The following RNF182 variants were observed in gnomAD, a reference collection of about 807,000 sequenced individuals.
RNF182 encodes the protein ring finger protein 182.
In RNF182, 15 loss-of-function variants were observed where a neutral mutation model predicts 14.4. The ratio of observed to expected loss-of-function variants is 1.04; its 90% CI spans 0.70 to 1.60. RNF182 has a LOEUF of 1.60. Among genes scored for constraint, RNF182 ranks in the 40% most tolerant of loss-of-function variants. The pLI is 0.00. For missense variants in RNF182, 268 were observed against 294.8 expected, an observed-to-expected ratio of 0.91 and a Z score of 0.67; for synonymous variants, 128 against 122.9, an observed-to-expected ratio of 1.04 and a Z score of -0.27.
At chr6:13,963,067 C>G (rs1198199648) in intron 1 of RNF182, among the ~76,000 whole-genome samples, 1 of 152,074 alleles carries the variant, frequency 6.6e-6, no homozygotes, top group African/African-American at 2.4e-5. Flanking sequence ...GTTCATATGC[C>G]TATTAAGTGG....
At chr6:13,966,068 G>A (rs2113637234) in intron 1 of RNF182, among the ~76,000 whole-genome samples, 1 of 152,264 alleles carries the variant, frequency 6.6e-6, no homozygotes. Context: ...AGACAAGAAA[G>A]GGCAATCTAT....
intron 1 of RNF182, among the ~76,000 whole-genome samples, chr6:13,938,949 G>C (rs985736377): frequency 6.6e-6 from 1 of 152,128 alleles, no homozygotes; most frequent in African/African-American, 2.4e-5. Flanking sequence ...CAGGTGTGGT[G>C]GTTCACGCCT....
At chr6:13,956,359 C>T (rs910437963) in intron 1 of RNF182, among the ~76,000 whole-genome samples, 4 of 151,328 alleles carry the variant, frequency 2.6e-5, no homozygotes, top group Non-Finnish European at 5.9e-5. Flanking sequence ...AGTCTTGCTC[C>T]CATCATCCAG....
chr6:13,959,225 A>G (rs979363492), intron 1 of RNF182, among the ~76,000 whole-genome samples: 5 of 152,232 alleles, frequency 3.3e-5, no homozygotes, highest in African/African-American at 1.2e-4. Flanking sequence ...TGAGATTAGT[A>G]TGACATTTCA....
At chr6:13,937,024 G>T (rs1422170841) in intron 1 of RNF182, among the ~76,000 whole-genome samples, 1 of 152,174 alleles carries the variant, frequency 6.6e-6, no homozygotes, top group Non-Finnish European at 1.5e-5. Context: ...AATATGTTGA[G>T]CAGGAGAGTA....
chr6:13,968,080 T>TA (rs35240138), intron 1 of RNF182, among the ~76,000 whole-genome samples: 60,890 of 151,786 alleles, frequency 0.4, 13,482 homozygotes, highest in Middle Eastern at 0.51. Context: ...AAAAATAAAT[T>TA]AGAGGGAATA....
intron 1 of RNF182, among the ~76,000 whole-genome samples, chr6:13,956,614 T>C (rs1467735405): frequency 6.6e-6 from 1 of 152,126 alleles, no homozygotes; most frequent in Non-Finnish European, 1.5e-5. Flanking sequence ...CGTGAGCCAA[T>C]GCTCCCGGCC....
At chr6:13,942,654 T>TAG (rs1759327359) in intron 1 of RNF182, among the ~76,000 whole-genome samples, 1 of 152,206 alleles carries the variant, frequency 6.6e-6, no homozygotes, top group Admixed American at 6.5e-5. Flanking sequence ...TTTTAGAATA[T>TAG]TCTCAGCAGC....
At chr6:13,945,559 A>G (rs1227963372) in intron 1 of RNF182, among the ~76,000 whole-genome samples, 1 of 152,200 alleles carries the variant, frequency 6.6e-6, no homozygotes, top group Non-Finnish European at 1.5e-5. Context: ...CAACAACAAC[A>G]AAACAACCAA....
chr6:13,951,221 T>A (rs539857992), intron 1 of RNF182, among the ~76,000 whole-genome samples: 17 of 152,260 alleles, frequency 1.1e-4, no homozygotes, highest in African/African-American at 3.6e-4. Flanking sequence ...TATTTGCCAG[T>A]TTTAAGTTTC....
At chr6:13,971,558 A>C (rs190835213) in intron 1 of RNF182, among the ~76,000 whole-genome samples, 3 of 152,356 alleles carry the variant, frequency 2.0e-5, no homozygotes, top group Admixed American at 6.5e-5. Flanking sequence ...ACTGGGTAAC[A>C]GACAGAGGTT....
chr6:13,971,161 C>T (rs1462816419), intron 1 of RNF182, among the ~76,000 whole-genome samples: 4 of 152,072 alleles, frequency 2.6e-5, no homozygotes, highest in Non-Finnish European at 5.9e-5. Flanking sequence ...CCAAATCTCA[C>T]CTTGAACTGT....
Position 13,972,143 on chromosome 6 carries a change from CA to C in RNF182, c.-366-2055del, listed in dbSNP as rs112233234. Among the ~76,000 whole-genome samples the C allele has an allele frequency of 3.9e-3, 547 of 139,734 alleles. 2 individuals are homozygous for C. The highest frequency in any genetic ancestry group is 0.011 in the African/African-American group (422 of 38,350). 91.7% of individuals were successfully genotyped at this position (139,734 alleles called of 152,430 possible). ...GTGAAACCCCGTCTACTAAAAAATA[CA>C]AAAAAAAAAAATTAGCTGGGCATGG... On this transcript the variant is annotated intron_variant, in intron 1 of 2. Coordinates refer to ENST00000488300, the MANE Select transcript of RNF182 (RefSeq NM_152737.4).
rs1760343194 is a variant in RNF182 at position 13,976,991 on chromosome 6, C to CT, written c.-126dup. ...AAAATGCCTGGAAGATTTCTGGTTTCTTTCACTACTTATCCTGCCTTTTTG... is the reference window on the plus strand; with the variant it reads ...AAAATGCCTGGAAGATTTCTGGTTTCTTTTCACTACTTATCCTGCCTTTTTG... On this transcript the variant is annotated 5_prime_UTR_variant, in exon 3 of 3. It removes the in-frame stop codon of an upstream open reading frame in the 5' UTR. Coordinates refer to ENST00000488300, the MANE Select transcript of RNF182 (RefSeq NM_152737.4). The CT allele has an allele frequency of 1.0e-6, 1 of 989,884 alleles. No homozygotes were observed. Among genetic ancestry groups the CT allele is most frequent in the Non-Finnish European group, 1.5e-6 (1 of 666,602 alleles). The allele number at this position is 989,884 out of a possible 1,614,324, so 61.3% of individuals were successfully genotyped here. A position where few individuals can be genotyped will look rare whatever the true frequency, so the allele number is the denominator to read the frequency against.
intron 1 of RNF182, among the ~76,000 whole-genome samples, chr6:13,966,688 G>A (rs999827027): frequency 1.1e-4 from 17 of 152,044 alleles, no homozygotes; most frequent in African/African-American, 3.4e-4. Flanking sequence ...GCTTGACCCC[G>A]CGGGGTGGAG....
chr6:13,935,394 T>G (rs754088198), intron 1 of RNF182, among the ~76,000 whole-genome samples: 2 of 152,172 alleles, frequency 1.3e-5, no homozygotes, highest in African/African-American at 4.8e-5. Flanking sequence ...CAATTCAGCA[T>G]TTTCCATATT....
chr6:13,931,743 G>A (rs1163339564), intron 1 of RNF182, among the ~76,000 whole-genome samples: 6 of 152,032 alleles, frequency 3.9e-5, no homozygotes, highest in Admixed American at 6.5e-5. Context: ...CGACCTTGAG[G>A]TAGCTGCTTA....
chr6:13,971,344 C>T (rs1383800473), intron 1 of RNF182, among the ~76,000 whole-genome samples: 1 of 152,140 alleles, frequency 6.6e-6, no homozygotes, highest in African/African-American at 2.4e-5. Context: ...TAAGATGTGC[C>T]TTTGCTCCTT....
chr6:13,934,457 A>G lies in RNF182; in HGVS notation c.-367+9434A>G, dbSNP rs1433634501. Reference sequence around the variant, plus strand: ...TCTGCTGGGTTTGAAAGGCATTTTAATGTAATTTCATTAGATCCAAATATT... The same window carrying G: ...TCTGCTGGGTTTGAAAGGCATTTTAGTGTAATTTCATTAGATCCAAATATT... On this transcript the variant is annotated intron_variant, in intron 1 of 2. Transcript: ENST00000488300. Among the ~76,000 whole-genome samples the G allele has an allele frequency of 4.6e-5, 7 of 152,222 alleles. No homozygotes were observed. In the East Asian group the frequency reaches 1.3e-3, roughly 29 times the overall value.
Sources: allele counts gnomAD v4.1 joint callset (sites outside exome capture counted in the v4.1 genomes callset), GRCh38; gene constraint gnomAD v4.1.1; transcripts MANE v1.5; gene names NCBI Gene and HGNC (gene_info 2026-07-23, HGNC 2026-07-21).